The following CSMD3 variants were observed in gnomAD, a reference collection of about 807,000 sequenced individuals.
CSMD3 encodes the protein CUB and Sushi multiple domains 3, also known as CUB and sushi domain-containing protein 3.
Under a neutral mutation model 435.2 loss-of-function variants are expected in CSMD3, and 177 were observed. That is an observed-to-expected ratio of 0.41 (90% CI 0.36 to 0.46). The LOEUF (loss-of-function observed/expected upper bound fraction) is 0.46, where lower values mean the gene tolerates loss of function less well. CSMD3 is among the 20% of genes least tolerant of loss of function. CSMD3 has a pLI of 0.34. For missense variants in CSMD3, 4,265 were observed against 4,504.6 expected, an observed-to-expected ratio of 0.95 and a Z score of 1.52; for synonymous variants, 1,656 against 1,520.5, an observed-to-expected ratio of 1.09 and a Z score of -2.07.
At chr8:112,404,356 C>T (rs780107023) in intron 35 of CSMD3, among the ~76,000 whole-genome samples, 21 of 151,854 alleles carry the variant, frequency 1.4e-4, no homozygotes, top group South Asian at 2.1e-4. Context: ...GGTGAAACCC[C>T]GTCTCTACTA....
intron 16 of CSMD3, among the ~76,000 whole-genome samples, chr8:112,669,493 T>A (rs565748651): frequency 1.1e-3 from 165 of 152,264 alleles, no homozygotes; most frequent in African/African-American, 3.8e-3. Flanking sequence ...ATTTAAGAAA[T>A]TCTTATACAT....
intron 27 of CSMD3, among the ~76,000 whole-genome samples, chr8:112,545,507 TAA>T (rs1827107461): frequency 1.1e-5 from 1 of 93,526 alleles, no homozygotes; most frequent in East Asian, 3.6e-4. Context: ...AAAAAAATAA[TAA>T]TAATAATAAT....
rs538403811 is a variant in CSMD3, at chr8:113,253,312, T to C, written c.514+25280A>G. On this transcript the variant is annotated intron_variant, in intron 3 of 70. Coordinates refer to ENST00000297405, the MANE Select transcript of CSMD3 (RefSeq NM_198123.2). The stretch of plus-strand genomic sequence containing the variant: ...GTTACATATGCATACATGTGCCATG[T>C]TGGTGTGCTGCACCCATTAACTCGT... Among the ~76,000 whole-genome samples, 220 of 152,170 alleles carry C rather than the reference T, an allele frequency of 1.4e-3. 1 individual carries two copies. Among genetic ancestry groups the C allele is most frequent in the Non-Finnish European group, 1.5e-3 (105 of 67,998 alleles).
chr8:113,215,387 A>C (rs760270548), intron 3 of CSMD3, among the ~76,000 whole-genome samples: 1 of 151,952 alleles, frequency 6.6e-6, no homozygotes, highest in Admixed American at 6.6e-5. Context: ...CTTGGAATTT[A>C]ATAGATTTGT....
intron 13 of CSMD3, among the ~76,000 whole-genome samples, chr8:112,780,321 G>A (rs2078352347): frequency 1.3e-5 from 2 of 151,974 alleles, no homozygotes; most frequent in Non-Finnish European, 2.9e-5. Context: ...CAATCTTTTT[G>A]AGTCTCAATT....
intron 16 of CSMD3, among the ~76,000 whole-genome samples, chr8:112,674,282 T>C (rs1308236988): frequency 6.6e-6 from 1 of 152,072 alleles, no homozygotes; most frequent in Admixed American, 6.6e-5. Context: ...TTTCCTGTGG[T>C]GAGTTAGGGC....
intron 7 of CSMD3, among the ~76,000 whole-genome samples, chr8:112,955,630 G>A (rs1409512665): frequency 6.6e-6 from 1 of 151,562 alleles, no homozygotes; most frequent in Admixed American, 6.6e-5. Flanking sequence ...CTATCTTACT[G>A]TATGTAATTT....
At chr8:112,289,560 T>A (rs1563743360) in intron 56 of CSMD3, 22 bp from the exon 57 acceptor site, 1 of 1,514,498 alleles carries the variant, frequency 6.6e-7, no homozygotes, top group Admixed American at 2.0e-5. Context: ...AATTATTAAA[T>A]ATAAAATTTT....
chr8:112,305,728 T>G (rs1416598289), intron 51 of CSMD3, among the ~76,000 whole-genome samples: 1 of 152,134 alleles, frequency 6.6e-6, no homozygotes, highest in African/African-American at 2.4e-5. Context: ...AAACACATGT[T>G]GACTAAAGGA....
Position 112,223,982 on chromosome 8 carries a change from TTA to T in CSMD3, c.*787_*788del, listed in dbSNP as rs1491206717. On this transcript the variant is annotated 3_prime_UTR_variant, in exon 71 of 71. Coordinates refer to ENST00000297405, the MANE Select transcript of CSMD3 (RefSeq NM_198123.2). The stretch of plus-strand genomic sequence containing the variant: ...ACTGAAGCTACTATCACATTTGGGA[TTA>T]AAAAATAATAAAAATAAATAGGAAA... The T allele has an allele frequency of 6.6e-6, 1 of 152,016 alleles. No individual in the cohort carries two copies. The highest frequency in any genetic ancestry group is 1.5e-5 in the Non-Finnish European group (1 of 67,990). The allele number at this position is 152,016 out of a possible 1,614,324, so 9.4% of individuals were successfully genotyped here.
At chr8:112,552,456 G>T in intron 26 of CSMD3, 138 bp downstream of exon 26, 2 of 805,522 alleles carry the variant, frequency 2.5e-6, no homozygotes, top group Non-Finnish European at 3.8e-6. Flanking sequence ...CTGCCTTCCG[G>T]TCTGGATGTC....
intron 2 of CSMD3, 87 bp from the exon 3 acceptor site, chr8:113,278,791 T>A: frequency 1.4e-6 from 1 of 716,978 alleles, no homozygotes; most frequent in African/African-American, 1.8e-5. Flanking sequence ...TTAAAAAAAA[T>A]AATAAAACAG....
intron 12 of CSMD3, among the ~76,000 whole-genome samples, chr8:112,804,510 C>T (rs2079033421): frequency 1.3e-5 from 2 of 151,876 alleles, no homozygotes; most frequent in Non-Finnish European, 2.9e-5. Flanking sequence ...ACAGCAACTG[C>T]AGAAATAAGG....
At chr8:113,051,063 C>G (rs1349134584) in intron 5 of CSMD3, among the ~76,000 whole-genome samples, 5 of 151,918 alleles carry the variant, frequency 3.3e-5, no homozygotes, top group African/African-American at 1.2e-4. Flanking sequence ...AACAATTTAG[C>G]GAAGATTCAA....
chr8:113,243,799 C>G (rs1308559383), intron 3 of CSMD3, among the ~76,000 whole-genome samples: 1 of 152,064 alleles, frequency 6.6e-6, no homozygotes, highest in East Asian at 1.9e-4. Flanking sequence ...TTGATTTAAC[C>G]AACTACTGGG....
chr8:113,158,083 G>GA (rs1230916070), intron 4 of CSMD3, among the ~76,000 whole-genome samples: 3 of 149,406 alleles, frequency 2.0e-5, no homozygotes, highest in South Asian at 2.1e-4. Flanking sequence ...ACCCAGAATA[G>GA]AAAAAAATAT....
At chr8:113,319,702 G>C (rs541158812) in intron 1 of CSMD3, among the ~76,000 whole-genome samples, 261 of 151,984 alleles carry the variant, frequency 1.7e-3, no homozygotes, top group African/African-American at 5.8e-3. Context: ...ATTTTCTTTT[G>C]CATTTCTCTG....
chr8:112,686,601 C>A (rs987625051), intron 14 of CSMD3, among the ~76,000 whole-genome samples: 18 of 151,762 alleles, frequency 1.2e-4, no homozygotes, highest in African/African-American at 4.1e-4. Flanking sequence ...ATTCTCCCAC[C>A]TCAGCTTCCG....
chr8:113,204,466 G>C (rs2092749366), intron 3 of CSMD3, among the ~76,000 whole-genome samples: 1 of 151,976 alleles, frequency 6.6e-6, no homozygotes, highest in Non-Finnish European at 1.5e-5. Context: ...AAGTAAAAAA[G>C]TTATACTAAA....
Sources: gnomAD v4.1 joint callset for allele counts (sites outside exome capture counted in the v4.1 genomes callset) on GRCh38, gnomAD v4.1.1 for gene constraint, MANE v1.5 for transcripts, NCBI Gene and HGNC (gene_info 2026-07-23, HGNC 2026-07-21) for gene names.